GRIK4: variants seen among roughly 807,000 people sequenced by gnomAD.
GRIK4 encodes glutamate receptor ionotropic, kainate 4.
In GRIK4, 40 loss-of-function variants were observed where a neutral mutation model predicts 104.9. That is an observed-to-expected ratio of 0.38 (90% CI 0.30 to 0.50). GRIK4 has a LOEUF of 0.50. GRIK4 is among the 20% of genes least tolerant of loss of function. GRIK4 has a pLI of 0.93. For missense variants in GRIK4, 1,047 were observed against 1,308.1 expected, an observed-to-expected ratio of 0.80 and a Z score of 3.08; for synonymous variants, 485 against 524.9, an observed-to-expected ratio of 0.92 and a Z score of 1.04.
In GRIK4 at chr11:120,964,255, G is replaced by A. The variant is rs12273625; in HGVS notation, c.2266+1574G>A. On this transcript the variant is annotated intron_variant, in intron 18 of 20. Transcript: ENST00000527524. Reference sequence around the variant, plus strand: ...GATCCACCCACCTCAGCCTCCCAAAGTGCTGGGATTACAGGCGTGAGCCAC... The same window carrying A: ...GATCCACCCACCTCAGCCTCCCAAAATGCTGGGATTACAGGCGTGAGCCAC... Among the ~76,000 whole-genome samples the A allele has an allele frequency of 3.3e-3, 497 of 152,224 alleles. 1 individual carries two copies. The highest frequency in any genetic ancestry group is 0.011 in the African/African-American group (475 of 41,518).
intron 1 of GRIK4, among the ~76,000 whole-genome samples, chr11:120,597,280 C>T (rs1591724462): frequency 1.3e-5 from 2 of 152,228 alleles, no homozygotes; most frequent in East Asian, 3.9e-4. Flanking sequence ...GGTGACGGGG[C>T]AAGTGCCTTC....
chr11:120,801,272 C>T (rs1330159944), intron 3 of GRIK4, among the ~76,000 whole-genome samples: 1 of 152,182 alleles, frequency 6.6e-6, no homozygotes, highest in East Asian at 1.9e-4. Context: ...GTCACCCAGG[C>T]TGGAGTGCAA....
At chr11:120,596,732 G>GTT (rs921099836) in intron 1 of GRIK4, among the ~76,000 whole-genome samples, 2 of 144,484 alleles carry the variant, frequency 1.4e-5, no homozygotes, top group East Asian at 4.0e-4. Flanking sequence ...ACTTGTTTTT[G>GTT]TTTTTTTTTT....
chr11:120,974,907 T>C (rs1457516862), intron 19 of GRIK4, among the ~76,000 whole-genome samples: 1 of 152,274 alleles, frequency 6.6e-6, no homozygotes, highest in Non-Finnish European at 1.5e-5. Flanking sequence ...ATTTTCTCAC[T>C]TAACTGCTAT....
chr11:120,583,136 C>G (rs1238055827), intron 1 of GRIK4, among the ~76,000 whole-genome samples: 1 of 152,154 alleles, frequency 6.6e-6, no homozygotes, highest in Non-Finnish European at 1.5e-5. Context: ...TGCTTGTTGG[C>G]CACATATATG....
chr11:120,714,869 G>A (rs575377357), intron 3 of GRIK4, among the ~76,000 whole-genome samples: 5 of 152,292 alleles, frequency 3.3e-5, no homozygotes, highest in South Asian at 4.1e-4. Flanking sequence ...TTGTTAAGGA[G>A]GGTTCGGCTT....
intron 19 of GRIK4, among the ~76,000 whole-genome samples, chr11:120,971,233 T>G (rs1397379039): frequency 1.8e-4 from 28 of 152,208 alleles, no homozygotes; most frequent in Non-Finnish European, 1.5e-5. Flanking sequence ...ATATTTTCTG[T>G]CTGTTGACAT....
At chr11:120,583,587 C>T (rs1034705167) in intron 1 of GRIK4, among the ~76,000 whole-genome samples, 1 of 151,942 alleles carries the variant, frequency 6.6e-6, no homozygotes. Flanking sequence ...GTTTTGTGTA[C>T]CAGTACCATG....
chr11:120,913,561 C>A (rs1423285334), intron 13 of GRIK4, among the ~76,000 whole-genome samples: 1 of 151,722 alleles, frequency 6.6e-6, no homozygotes, highest in Non-Finnish European at 1.5e-5. Flanking sequence ...CAGTTCAGAA[C>A]AAAGTACCCC....
intron 1 of GRIK4, among the ~76,000 whole-genome samples, chr11:120,548,883 C>T (rs1046516472): frequency 2.0e-5 from 3 of 152,220 alleles, no homozygotes; most frequent in Non-Finnish European, 4.4e-5. Flanking sequence ...CACAGGAGGG[C>T]ACTTCTGCTC....
chr11:120,522,417 G>A (rs1947806787), intron 1 of GRIK4, among the ~76,000 whole-genome samples: 1 of 152,138 alleles, frequency 6.6e-6, no homozygotes, highest in Non-Finnish European at 1.5e-5. Context: ...CACCTTCCGG[G>A]TTCGAGCGAT....
At chr11:120,583,075 C>T (rs374055649) in intron 1 of GRIK4, among the ~76,000 whole-genome samples, 4 of 152,074 alleles carry the variant, frequency 2.6e-5, no homozygotes, top group East Asian at 1.9e-4. Flanking sequence ...TATCGCCTTG[C>T]GGTTTTGATT....
At chr11:120,669,537 A>T (rs1403126680) in intron 3 of GRIK4, among the ~76,000 whole-genome samples, 1 of 152,182 alleles carries the variant, frequency 6.6e-6, no homozygotes, top group Non-Finnish European at 1.5e-5. Flanking sequence ...CTCCAACCAG[A>T]CTTTCAGTCC....
chr11:120,899,143 G>A (rs1946036207), intron 12 of GRIK4, among the ~76,000 whole-genome samples: 1 of 152,198 alleles, frequency 6.6e-6, no homozygotes, highest in African/African-American at 2.4e-5. Context: ...GAGGCCAGGT[G>A]CAGTGGCTCA....
In GRIK4 at chr11:120,902,321, C is replaced by T. The variant is rs76019317; in HGVS notation, c.1273-2969C>T. Reference sequence around the variant, plus strand: ...CCTGCTCCAGGCTAGCACTCAACACCCCAGCATTCTCCAAGGTGCCAGTGA... The same window carrying T: ...CCTGCTCCAGGCTAGCACTCAACACTCCAGCATTCTCCAAGGTGCCAGTGA... On this transcript the variant is annotated intron_variant, in intron 12 of 20. Transcript: ENST00000527524. This position sits in a 1 kb window ranked among gnomAD's most constrained non-coding sequence, Gnocchi z 4.5. 5.0e-3 allele frequency among the ~76,000 whole-genome samples: 758 copies of T among 152,274 alleles called. 8 individuals carry two copies. Among genetic ancestry groups the T allele is most frequent in the African/African-American group, 0.017 (726 of 41,546 alleles).
intron 8 of GRIK4, among the ~76,000 whole-genome samples, chr11:120,837,948 G>C (rs576934104): frequency 2.0e-5 from 3 of 152,160 alleles, no homozygotes; most frequent in Admixed American, 6.5e-5. Flanking sequence ...AAATTAGGCC[G>C]GCAACATGAG....
rs941514238 is a variant in GRIK4 at position 120,902,380 on chromosome 11, G to A, written c.1273-2910G>A. ...CATCCCCATCCTTGGGCTTTCCAAC[G>A]CGTCTCCAAGACCGGCCTTGTGTCT... On this transcript the variant is annotated intron_variant, in intron 12 of 20. Coordinates refer to ENST00000527524, the MANE Select transcript of GRIK4 (RefSeq NM_014619.5). This position sits in a 1 kb window ranked among gnomAD's most constrained non-coding sequence, Gnocchi z 4.5. 1.3e-5 allele frequency among the ~76,000 whole-genome samples: 2 copies of A among 152,094 alleles called. No individual in the cohort carries two copies. The highest frequency in any genetic ancestry group is 6.5e-5 in the Admixed American group (1 of 15,276).
chr11:120,761,993 A>G (rs909197940), intron 3 of GRIK4, among the ~76,000 whole-genome samples: 2 of 152,168 alleles, frequency 1.3e-5, no homozygotes, highest in Non-Finnish European at 2.9e-5. Flanking sequence ...AAGAAAGTCA[A>G]TGGTGGCTTG....
At chr11:120,530,584 T>A (rs1162874471) in intron 1 of GRIK4, among the ~76,000 whole-genome samples, 1 of 152,224 alleles carries the variant, frequency 6.6e-6, no homozygotes, top group Non-Finnish European at 1.5e-5. Flanking sequence ...CTTAAAATCC[T>A]TAATTTGGGA....
Sources: allele counts gnomAD v4.1 joint callset (sites outside exome capture counted in the v4.1 genomes callset), GRCh38; gene constraint gnomAD v4.1.1; non-coding constraint Gnocchi (gnomAD v3.1); transcripts MANE v1.5; gene names NCBI Gene and HGNC (gene_info 2026-07-23, HGNC 2026-07-21).